SH3GL3: variants seen among roughly 807,000 people sequenced by gnomAD.
The protein encoded by SH3GL3 is endophilin-A3.
Under a neutral mutation model 47.7 loss-of-function variants are expected in SH3GL3, and 33 were observed. That is an observed-to-expected ratio of 0.69 (90% confidence interval 0.52 to 0.92). SH3GL3 has a LOEUF of 0.92. SH3GL3 is among the 40% of genes least tolerant of loss of function. The probability of loss-of-function intolerance (pLI) is 0.00; values close to 1 mark genes in which losing one functional copy is unlikely to be tolerated. For synonymous variants in SH3GL3, 155 were observed against 148.8 expected (o/e 1.04, Z -0.30); for missense variants, 363 against 417.8 (o/e 0.87, Z 1.14).
intron 1 of SH3GL3, among the ~76,000 whole-genome samples, chr15:83,502,975 G>A (rs1469178105): frequency 2.0e-5 from 3 of 152,030 alleles, no homozygotes; most frequent in African/African-American, 7.3e-5. Context: ...TAGGAGCAAT[G>A]GTTCAGTATT....
the SH3GL3 span, among the ~76,000 whole-genome samples, chr15:83,627,854 A>T: frequency 6.6e-6 from 1 of 152,226 alleles, no homozygotes; most frequent in African/African-American, 2.4e-5. Flanking sequence ...TTTGAAACAA[A>T]CTGAGGCATA....
Position 83,529,618 on chromosome 15 carries a change from C to T in SH3GL3, c.46-29635C>T, listed in dbSNP as rs115791981. ...GTCCTTAACCTTCTGATGGTATGCA[C>T]GAGTGCAGGCTGTGGTGGGACAATC... On this transcript the variant is annotated intron_variant, in intron 1 of 8. Transcript: ENST00000427482. 3.8e-3 allele frequency among the ~76,000 whole-genome samples: 558 copies of T among 148,260 alleles called. 4 individuals are homozygous for T. The highest frequency in any genetic ancestry group is 0.013 in the African/African-American group (520 of 40,322).
intron 8 of SH3GL3, among the ~76,000 whole-genome samples, chr15:83,606,070 C>T (rs893027102): frequency 4.6e-5 from 7 of 151,748 alleles, no homozygotes; most frequent in Non-Finnish European, 8.8e-5. Flanking sequence ...TGCTGAAACT[C>T]TTAAAAGGGG....
At chr15:83,498,166 C>A (rs139326954) in intron 1 of SH3GL3, among the ~76,000 whole-genome samples, 1 of 152,204 alleles carries the variant, frequency 6.6e-6, no homozygotes, top group Non-Finnish European at 1.5e-5. Context: ...CCCCACACAC[C>A]TCAAATTAGT....
At chr15:83,528,283 G>A (rs893761383) in intron 1 of SH3GL3, among the ~76,000 whole-genome samples, 1 of 152,114 alleles carries the variant, frequency 6.6e-6, no homozygotes, top group Non-Finnish European at 1.5e-5. Flanking sequence ...ACCTTTTTAG[G>A]TTATATCCAT....
chr15:83,486,428 A>G (rs1303980905), intron 1 of SH3GL3, among the ~76,000 whole-genome samples: 2 of 152,096 alleles, frequency 1.3e-5, no homozygotes, highest in East Asian at 3.9e-4. Context: ...CCTGGGAATC[A>G]CTAATTATCC....
chr15:83,633,779 CT>C, the SH3GL3 span, among the ~76,000 whole-genome samples: 3 of 152,130 alleles, frequency 2.0e-5, no homozygotes, highest in African/African-American at 7.2e-5. Flanking sequence ...ATTTCTCCCC[CT>C]AACCTAGCTT....
chr15:83,463,194 A>G (rs935645083), intron 1 of SH3GL3, among the ~76,000 whole-genome samples: 8 of 152,204 alleles, frequency 5.3e-5, no homozygotes, highest in Admixed American at 5.2e-4. Context: ...TTCATGACTT[A>G]ACGTTCTGCA....
chr15:83,549,114 T>A (rs769835292), intron 1 of SH3GL3, among the ~76,000 whole-genome samples: 11 of 152,242 alleles, frequency 7.2e-5, no homozygotes, highest in Non-Finnish European at 1.3e-4. Context: ...TCATTTGCTT[T>A]CTTTTTATGT....
chr15:83,475,408 G>C (rs762886308), intron 1 of SH3GL3, among the ~76,000 whole-genome samples: 1 of 152,154 alleles, frequency 6.6e-6, no homozygotes, highest in Admixed American at 6.5e-5. Flanking sequence ...GAACCTGGGA[G>C]ACAAAGATTT....
chr15:83,503,715 G>A (rs2151612256), intron 1 of SH3GL3, among the ~76,000 whole-genome samples: 1 of 152,284 alleles, frequency 6.6e-6, no homozygotes, highest in South Asian at 2.1e-4. Context: ...CTAGAACAAT[G>A]TATAATTAGT....
At chr15:83,511,402 A>G (rs2042741768) in intron 1 of SH3GL3, among the ~76,000 whole-genome samples, 1 of 152,206 alleles carries the variant, frequency 6.6e-6, no homozygotes, top group Non-Finnish European at 1.5e-5. Context: ...GAGAAAAAAT[A>G]AGAACAAATA....
intron 1 of SH3GL3, among the ~76,000 whole-genome samples, chr15:83,485,697 A>T (rs1204620098): frequency 6.6e-6 from 1 of 151,534 alleles, no homozygotes; most frequent in South Asian, 2.1e-4. Context: ...GGGTCTCCCT[A>T]TGTTGTCCAG....
intron 1 of SH3GL3, among the ~76,000 whole-genome samples, chr15:83,497,489 T>C (rs1307973364): frequency 6.6e-6 from 1 of 152,154 alleles, no homozygotes; most frequent in East Asian, 1.9e-4. Flanking sequence ...CCTGACCCCT[T>C]CTTCCAAACA....
chr15:83,603,435 C>A (rs955158541), intron 8 of SH3GL3, among the ~76,000 whole-genome samples: 1 of 152,170 alleles, frequency 6.6e-6, no homozygotes, highest in African/African-American at 2.4e-5. Context: ...GCTTCGCTTT[C>A]TTAACTTACA....
intron 1 of SH3GL3, among the ~76,000 whole-genome samples, chr15:83,486,889 C>CAG (rs113903621): frequency 5.7e-4 from 85 of 149,800 alleles, no homozygotes; most frequent in Middle Eastern, 3.5e-3. Context: ...CTTCACATGG[C>CAG]AGAGAGAGAG....
intron 1 of SH3GL3, among the ~76,000 whole-genome samples, chr15:83,481,131 C>T (rs999201440): frequency 1.4e-4 from 22 of 151,974 alleles, no homozygotes; most frequent in Admixed American, 3.3e-4. Context: ...CAAAAATTAG[C>T]GGGCGTGGTG....
chr15:83,461,432 T>C (rs2040295102), intron 1 of SH3GL3, among the ~76,000 whole-genome samples: 1 of 152,208 alleles, frequency 6.6e-6, no homozygotes, highest in South Asian at 2.1e-4. Context: ...TTTATGACTT[T>C]TATTTAAAAT....
intron 8 of SH3GL3, among the ~76,000 whole-genome samples, chr15:83,601,822 G>A (rs906364712): frequency 2.0e-5 from 3 of 148,340 alleles, no homozygotes; most frequent in Non-Finnish European, 4.4e-5. Flanking sequence ...AATCCATGTG[G>A]TCCTGGACTT....
Sources: gnomAD v4.1 joint callset for allele counts (sites outside exome capture counted in the v4.1 genomes callset) on GRCh38, gnomAD v4.1.1 for gene constraint, MANE v1.5 for transcripts, NCBI Gene and HGNC (gene_info 2026-07-23, HGNC 2026-07-21) for gene names.